VCAN: variants seen among roughly 807,000 people sequenced by gnomAD.
The protein encoded by VCAN is versican core protein.
VCAN carries 44 observed loss-of-function variants against 245.5 expected under a neutral mutation model. The observed-to-expected ratio is 0.18, with a 90% CI of 0.14 to 0.23. The LOEUF (loss-of-function observed/expected upper bound fraction) is 0.23, where lower values mean the gene tolerates loss of function less well. VCAN is among the 10% of genes least tolerant of loss of function. VCAN has a pLI of 1.00. For synonymous variants in VCAN, 1,413 were observed against 1,437.0 expected, an observed-to-expected ratio of 0.98 and a Z score of 0.38; for missense variants, 3,793 against 4,057.9, an observed-to-expected ratio of 0.93 and a Z score of 1.77.
At chr5:83,472,643 TC>T (rs1000905289) in intron 1 of VCAN, among the ~76,000 whole-genome samples, 2 of 151,932 alleles carry the variant, frequency 1.3e-5, no homozygotes, top group African/African-American at 4.8e-5. Context: ...TGGGAGGAGG[TC>T]CGGCCGGGGG....
Position 83,483,670 on chromosome 5 carries a change from T to C in VCAN, c.70+82T>C, listed in dbSNP as rs1053332801. The C allele has an allele frequency of 5.5e-6, 7 of 1,282,290 alleles. No homozygotes were observed. In the African/African-American group the frequency reaches 1.0e-4, roughly 19 times the overall value. 79.4% of individuals were successfully genotyped at this position (1,282,290 alleles called of 1,614,324 possible). On this transcript the variant is annotated intron_variant, in intron 2 of 14. Coordinates refer to ENST00000265077, the MANE Select transcript of VCAN (RefSeq NM_004385.5). ...GGATGAAATGGCAATGTGGAATCACTGGAATAAAAGATTGATTTTTAAAAT... is the reference window on the plus strand; with the variant it reads ...GGATGAAATGGCAATGTGGAATCACCGGAATAAAAGATTGATTTTTAAAAT...
At chr5:83,502,275 C>T (rs1268352769) in intron 5 of VCAN, among the ~76,000 whole-genome samples, 1 of 152,086 alleles carries the variant, frequency 6.6e-6, no homozygotes, top group Non-Finnish European at 1.5e-5. Context: ...CTCCTTGAAG[C>T]ATGTGACAGT....
intron 7 of VCAN, among the ~76,000 whole-genome samples, chr5:83,524,570 AC>A (rs1273348968): frequency 8.2e-5 from 10 of 121,414 alleles, no homozygotes; most frequent in African/African-American, 2.9e-4. Flanking sequence ...CTACCTACCT[AC>A]CTACCTACCT....
Position 83,548,089 on chromosome 5 carries a change from G to T in VCAN, c.9493+5G>T, listed in dbSNP as rs779261955. On this transcript the variant is annotated splice_donor_5th_base_variant and intron_variant, in intron 10 of 14. Coordinates refer to ENST00000265077, the MANE Select transcript of VCAN (RefSeq NM_004385.5). ...TTGGTGCACTTTGTGAGCAAGGTAA[G>T]AGCTATTGCAACATTTGTATGATGA... 3.1e-5 allele frequency: 50 copies of T among 1,606,578 alleles called. No homozygotes were observed. The highest frequency in any genetic ancestry group is 4.0e-5 in the Non-Finnish European group (47 of 1,173,316).
At chr5:83,551,021 C>A (rs943684129) in intron 10 of VCAN, among the ~76,000 whole-genome samples, 1 of 145,790 alleles carries the variant, frequency 6.9e-6, no homozygotes, top group East Asian at 2.0e-4. Flanking sequence ...TTAGATAGTA[C>A]AAATAAATGC....
At chr5:83,557,001 C>T (rs907780734) in intron 12 of VCAN, among the ~76,000 whole-genome samples, 1 of 151,976 alleles carries the variant, frequency 6.6e-6, no homozygotes, top group Non-Finnish European at 1.5e-5. Flanking sequence ...TTTGTGAGCC[C>T]CCATCATGTA....
chr5:83,534,505 G>T (rs750821652), intron 7 of VCAN, among the ~76,000 whole-genome samples: 3 of 151,960 alleles, frequency 2.0e-5, no homozygotes, highest in Non-Finnish European at 2.9e-5. Context: ...AAGTTTTGGT[G>T]TCACCAAACA....
intron 5 of VCAN, among the ~76,000 whole-genome samples, chr5:83,507,053 C>G (rs1024029773): frequency 3.3e-5 from 5 of 152,098 alleles, no homozygotes; most frequent in African/African-American, 1.2e-4. Flanking sequence ...GGGACACAGC[C>G]AAATCATATC....
At chr5:83,493,434 G>A in intron 3 of VCAN, 112 bp from the exon 4 acceptor site, 1 of 1,302,248 alleles carries the variant, frequency 7.7e-7, no homozygotes, top group African/African-American at 1.5e-5. Flanking sequence ...TAATTATTAT[G>A]ATATTATTAC....
chr5:83,510,300 T>G (rs950469860), intron 5 of VCAN, among the ~76,000 whole-genome samples: 1 of 152,220 alleles, frequency 6.6e-6, no homozygotes, highest in Non-Finnish European at 1.5e-5. Flanking sequence ...TATGTGTGCT[T>G]TGGCCATTTT....
At chr5:83,489,066 T>G (rs981582915) in intron 2 of VCAN, among the ~76,000 whole-genome samples, 1 of 151,728 alleles carries the variant, frequency 6.6e-6, no homozygotes, top group African/African-American at 2.4e-5. Flanking sequence ...CATGTTGAGA[T>G]GTGTGTTTCC....
At chr5:83,505,361 A>T (rs1357095781) in intron 5 of VCAN, among the ~76,000 whole-genome samples, 1 of 152,180 alleles carries the variant, frequency 6.6e-6, no homozygotes, top group African/African-American at 2.4e-5. Flanking sequence ...GGGTAAATAC[A>T]CCCATTCCAA....
chr5:83,548,366 C>G (rs1417219303), intron 10 of VCAN, among the ~76,000 whole-genome samples: 2 of 152,094 alleles, frequency 1.3e-5, no homozygotes, highest in Admixed American at 1.3e-4. Context: ...TAAGCACTGA[C>G]CTTACTGTGG....
Position 83,512,352 on chromosome 5 carries a change from G to T in VCAN, c.998G>T (p.Gly333Val), listed in dbSNP as rs12651836. The change falls in exon 6 of 15, where the codon GGC becomes GTC. Residue 333 changes from glycine (G) to valine (V), a missense_variant. This residue lies in a region of VCAN where 190 missense variants were observed against 288.6 expected (regional missense o/e 0.66). Transcript: ENST00000265077. ...CTGTATCGTTTTGAGAACCAGACAG[G>T]CTTCCCTCCCCCTGATAGCAGATTT... The part of the protein sequence containing the change: ...RTLYRFENQT[G>V]FPPPDSRFDA... The T allele has an allele frequency of 1.2e-6, 2 of 1,610,808 alleles. No homozygotes were observed. The highest frequency in any genetic ancestry group is 8.5e-7 in the Non-Finnish European group (1 of 1,177,268).
intron 5 of VCAN, among the ~76,000 whole-genome samples, chr5:83,504,296 T>C (rs1171244095): frequency 6.6e-6 from 1 of 152,230 alleles, no homozygotes; most frequent in African/African-American, 2.4e-5. Context: ...CATATGAATA[T>C]GCAAATTATC....
At position 83,519,603 on chromosome 5, in the gene VCAN, C is replaced by A. The variant is rs1442894941; in HGVS notation, c.1297C>A (p.Pro433Thr). Reference protein sequence around the residue: ...LPTPTGSTKKPWDMDDYSPSA... With the variant: ...LPTPTGSTKKTWDMDDYSPSA... Reference sequence around the variant, plus strand: ...CACACCTACTGGCAGTACCAAGAAGCCCTGGGATATGGATGACTACTCACC... The same window carrying A: ...CACACCTACTGGCAGTACCAAGAAGACCTGGGATATGGATGACTACTCACC... Residue 433 changes from proline (P) to threonine (T), a missense_variant, in exon 7 of 15, where the codon CCC becomes ACC. Pro to Thr is a conservative substitution (Grantham distance 38, BLOSUM62 -1). This residue lies in a region of VCAN where 3,182 missense variants were observed against 3,250.3 expected (regional missense o/e 0.98). Transcript: ENST00000265077. The A allele has an allele frequency of 1.2e-6, 2 of 1,613,998 alleles. No homozygotes were observed. Among genetic ancestry groups the A allele is most frequent in the Non-Finnish European group, 1.7e-6 (2 of 1,179,994 alleles).
intron 8 of VCAN, among the ~76,000 whole-genome samples, chr5:83,543,194 T>C (rs1011431237): frequency 5.9e-5 from 9 of 152,200 alleles, no homozygotes; most frequent in African/African-American, 2.2e-4. Context: ...ATATTTACTT[T>C]GTAGAATTTA....
In VCAN at chr5:83,538,932, T is replaced by G. The variant is rs764030943; in HGVS notation, c.5929T>G (p.Ser1977Ala). 1 of 1,613,958 alleles carries G rather than the reference T, an allele frequency of 6.2e-7. No homozygotes were observed. The highest frequency in any genetic ancestry group is 2.2e-5 in the East Asian group (1 of 44,852). ...GACTTCACCATCTACAGTACCTACT[T>G]CAGTTCACATCAGTCACATATCTGA... Reference protein sequence around the residue: ...TQTSPSTVPTSVHISHISDSE... With the variant: ...TQTSPSTVPTAVHISHISDSE... The change falls in exon 8 of 15, where the codon TCA (serine) becomes GCA (alanine). Residue 1977 changes from serine to alanine, a missense_variant. By Grantham distance (99) the Ser-to-Ala change is moderately conservative. Around this residue, in one of 5 missense-constraint regions of VCAN, gnomAD observed 3,182 missense variants for 3,250.3 expected, o/e 0.98. Coordinates refer to ENST00000265077, the MANE Select transcript of VCAN (RefSeq NM_004385.5).
chr5:83,518,392 A>G (rs145643983), intron 6 of VCAN, among the ~76,000 whole-genome samples: 255 of 152,324 alleles, frequency 1.7e-3, no homozygotes, highest in African/African-American at 5.8e-3. Context: ...ATTATAATGC[A>G]GCATTTTATG....
Sources: gnomAD v4.1 joint callset for allele counts (sites outside exome capture counted in the v4.1 genomes callset) on GRCh38, gnomAD v4.1.1 for gene constraint, gnomAD v4.1.1 regional missense constraint, MANE v1.5 for transcripts, NCBI Gene and HGNC (gene_info 2026-07-23, HGNC 2026-07-21) for gene names.